The following TIAM1 variants were observed in gnomAD, a reference collection of about 807,000 sequenced individuals.
TIAM1 encodes TIAM Rac1 associated GEF 1, also known as rho guanine nucleotide exchange factor TIAM1.
TIAM1 carries 65 observed loss-of-function variants against 163.5 expected under a neutral mutation model. That is an observed-to-expected ratio of 0.40 (90% CI 0.33 to 0.49). TIAM1 has a LOEUF of 0.49. TIAM1 is among the 20% of genes least tolerant of loss of function. TIAM1 has a pLI of 0.77. For missense variants in TIAM1, 1,789 were observed against 2,044.7 expected (o/e 0.87, Z 2.41); for synonymous variants, 833 against 810.1 (o/e 1.03, Z -0.48).
At chr21:31,390,969 A>G (rs2300363) in intron 2 of TIAM1, among the ~76,000 whole-genome samples, 6,291 of 152,236 alleles carry the variant, frequency 0.041, 367 homozygotes, top group East Asian at 0.26. Flanking sequence ...GCCTTCTACC[A>G]GCCACGCCTC....
rs149618882 is a variant in TIAM1, at chr21:31,317,508, G to A, written c.-189+21735C>T. On this transcript the variant is annotated intron_variant, in intron 2 of 27. Transcript: ENST00000541036. ...CATAAAACACTGCTTGGTCGGGCAC[G>A]GCGGCTCACGCCTGTAATCCCAGCA... Among the ~76,000 whole-genome samples, 1,281 of 152,134 alleles carry A rather than the reference G, an allele frequency of 8.4e-3. 10 individuals carry two copies. The highest frequency in any genetic ancestry group is 0.014 in the Non-Finnish European group (965 of 67,998).
intron 5 of TIAM1, among the ~76,000 whole-genome samples, chr21:31,250,150 A>AG (rs1245293036): frequency 7.0e-6 from 1 of 142,848 alleles, no homozygotes; most frequent in Admixed American, 6.9e-5. Flanking sequence ...TGTCTCAAAC[A>AG]GAAAAAAAAA....
Position 31,306,828 on chromosome 21 carries a change from C to A in TIAM1, c.-188-29920G>T, listed in dbSNP as rs535111449. ...GCAAGGCATGATCCTCCACTGGAAA[C>A]CTTCGCCGTTTTCCAGCGCCCCGAT... On this transcript the variant is annotated intron_variant, in intron 2 of 27. Transcript: ENST00000541036. Among the ~76,000 whole-genome samples the A allele has an allele frequency of 7.9e-5, 12 of 152,286 alleles. 1 individual carries two copies. The East Asian group carries it at 2.3e-3, about 29-fold the overall frequency.
intron 17 of TIAM1, 140 bp downstream of exon 17, chr21:31,154,107 G>T: frequency 2.1e-6 from 2 of 961,738 alleles, no homozygotes; most frequent in Non-Finnish European, 3.0e-6. Flanking sequence ...AACATTCAGA[G>T]TATAGGCAAA....
At chr21:31,179,902 ATTTTTT>A (rs764892757) in intron 15 of TIAM1, among the ~76,000 whole-genome samples, 1 of 131,276 alleles carries the variant, frequency 7.6e-6, no homozygotes, top group Non-Finnish European at 1.6e-5. Context: ...ACATACACAG[ATTTTTT>A]TTTTTTTTTT....
At chr21:31,393,435 C>G (rs991525366) in intron 2 of TIAM1, among the ~76,000 whole-genome samples, 6 of 152,152 alleles carry the variant, frequency 3.9e-5, no homozygotes, top group Admixed American at 1.3e-4. Flanking sequence ...CCACCCTGTC[C>G]TCCCCAGCAG....
At chr21:31,194,666 C>A (rs958557788) in intron 13 of TIAM1, among the ~76,000 whole-genome samples, 5 of 152,162 alleles carry the variant, frequency 3.3e-5, no homozygotes, top group African/African-American at 1.2e-4. Context: ...GATCCCCAAA[C>A]AGACCAGTTT....
intron 2 of TIAM1, among the ~76,000 whole-genome samples, chr21:31,289,374 G>A (rs867615181): frequency 3.3e-5 from 5 of 152,030 alleles, no homozygotes; most frequent in African/African-American, 7.2e-5. Flanking sequence ...TGCTCCCTAC[G>A]CCTGGAAAGA....
intron 1 of TIAM1, among the ~76,000 whole-genome samples, chr21:31,522,917 A>C (rs983917766): frequency 1.3e-5 from 2 of 152,242 alleles, no homozygotes; most frequent in African/African-American, 4.8e-5. Context: ...TTTAAGCTAC[A>C]ACCACAAATT....
intron 2 of TIAM1, among the ~76,000 whole-genome samples, chr21:31,337,136 G>T (rs917669501): frequency 6.6e-6 from 1 of 152,188 alleles, no homozygotes; most frequent in Non-Finnish European, 1.5e-5. Context: ...CCAGAGGTGA[G>T]AAGTCATGTA....
intron 1 of TIAM1, among the ~76,000 whole-genome samples, chr21:31,473,220 G>A (rs2045810464): frequency 6.6e-6 from 1 of 152,090 alleles, no homozygotes; most frequent in Non-Finnish European, 1.5e-5. Flanking sequence ...ACGAGGCCAG[G>A]AGATCGAGAC....
intron 1 of TIAM1, among the ~76,000 whole-genome samples, chr21:31,502,373 G>A (rs568928389): frequency 2.2e-4 from 33 of 152,204 alleles, no homozygotes; most frequent in Admixed American, 1.8e-3. Context: ...CTGGGCTCAC[G>A]CAATTATCCC....
intron 2 of TIAM1, among the ~76,000 whole-genome samples, chr21:31,431,661 A>C (rs956796961): frequency 6.6e-6 from 1 of 152,258 alleles, no homozygotes; most frequent in African/African-American, 2.4e-5. Flanking sequence ...TTAGGCAATT[A>C]CGTCACTTTA....
intron 2 of TIAM1, among the ~76,000 whole-genome samples, chr21:31,294,274 C>T (rs1253363800): frequency 1.3e-5 from 2 of 152,226 alleles, no homozygotes; most frequent in Non-Finnish European, 2.9e-5. Flanking sequence ...TGACAAGTCA[C>T]ATTTAAACCA....
At chr21:31,303,981 AAAAAG>A (rs895859938) in intron 2 of TIAM1, among the ~76,000 whole-genome samples, 6 of 152,322 alleles carry the variant, frequency 3.9e-5, no homozygotes, top group African/African-American at 7.2e-5. Context: ...CCATCTCAAA[AAAAAG>A]AAAAGAAAAG....
chr21:31,163,533 GAC>G (rs1185412032), intron 16 of TIAM1, among the ~76,000 whole-genome samples: 1 of 152,042 alleles, frequency 6.6e-6, no homozygotes, highest in Non-Finnish European at 1.5e-5. Context: ...AACTTAAAAA[GAC>G]ACTGAGAATG....
intron 2 of TIAM1, among the ~76,000 whole-genome samples, chr21:31,399,874 C>T (rs540660063): frequency 5.3e-5 from 8 of 152,220 alleles, no homozygotes; most frequent in African/African-American, 1.9e-4. Context: ...TCAAATAAAG[C>T]TAACTTCATG....
intron 2 of TIAM1, among the ~76,000 whole-genome samples, chr21:31,407,919 TCAGC>T (rs1285769245): frequency 6.6e-6 from 1 of 152,126 alleles, no homozygotes; most frequent in Non-Finnish European, 1.5e-5. Flanking sequence ...ATAACAGGCG[TCAGC>T]CACCGGGCCC....
At chr21:31,170,088 C>T (rs1568960382) in intron 15 of TIAM1, among the ~76,000 whole-genome samples, 2 of 152,008 alleles carry the variant, frequency 1.3e-5, no homozygotes, top group South Asian at 2.1e-4. Context: ...ACAGGCTAAA[C>T]GTAATACTTA....
Sources: gnomAD v4.1 joint callset for allele counts (sites outside exome capture counted in the v4.1 genomes callset) on GRCh38, gnomAD v4.1.1 for gene constraint, MANE v1.5 for transcripts, NCBI Gene and HGNC (gene_info 2026-07-23, HGNC 2026-07-21) for gene names.